DCP1B: variants seen among roughly 807,000 people sequenced by gnomAD.
DCP1B encodes mRNA-decapping enzyme 1B.
DCP1B carries 47 observed loss-of-function variants against 60.5 expected under a neutral mutation model. The ratio of observed to expected loss-of-function variants is 0.78; its 90% CI spans 0.61 to 0.99. The LOEUF is 0.99. Among genes scored for constraint, DCP1B ranks in the 50% least tolerant of loss-of-function variants. The pLI, the probability that DCP1B is intolerant of heterozygous loss-of-function variation, is 0.00. For synonymous variants in DCP1B, 267 were observed against 280.3 expected (o/e 0.95, Z 0.47); for missense variants, 725 against 756.8 (o/e 0.96, Z 0.49).
intron 3 of DCP1B, chr12:1,991,336 CATAAA>C (rs1217649021): frequency 7.8e-5 from 33 of 424,450 alleles, no homozygotes; most frequent in African/African-American, 4.5e-4. Context: ...AATACGGAAA[CATAAA>C]ATAAAATATG....
intron 1 of DCP1B, among the ~76,000 whole-genome samples, chr12:2,001,766 T>C (rs1372849001): frequency 1.3e-5 from 2 of 152,220 alleles, no homozygotes; most frequent in Admixed American, 1.3e-4. Flanking sequence ...AACCACTAGC[T>C]AGGAACACAA....
chr12:1,953,025 G>A lies in DCP1B; in HGVS notation c.915C>T (p.His305=), dbSNP rs764193647. Residue 305 remains histidine (H), a synonymous_variant, in exon 7 of 9, where the codon CAC becomes CAT. Coordinates refer to ENST00000280665, the MANE Select transcript of DCP1B (RefSeq NM_152640.5). The stretch of plus-strand genomic sequence containing the variant: ...GGTTTTCAGGCAGCTCTGACAATGG[G>A]TGGAGGTCTGCGCTCCTGACCATGA... ...QKLMVRSADL[H]PLSELPENRP... is the part of the protein sequence containing the mutation. 3.7e-6 allele frequency: 6 copies of A among 1,614,194 alleles called. No individual in the cohort carries two copies. Among genetic ancestry groups the A allele is most frequent in the Non-Finnish European group, 5.1e-6 (6 of 1,180,010 alleles).
chr12:1,991,982 C>T (rs2039536365), intron 3 of DCP1B: 2 of 220,288 alleles, frequency 9.1e-6, no homozygotes, highest in Non-Finnish European at 2.0e-5. Flanking sequence ...CTAATAATCT[C>T]AAAAAAAACC....
In DCP1B at chr12:1,962,630, C is replaced by A. The variant is rs1294785157; in HGVS notation, c.522+2928G>T. 2.0e-5 allele frequency among the ~76,000 whole-genome samples: 3 copies of A among 151,462 alleles called. No homozygotes were observed. Among genetic ancestry groups the A allele is most frequent in the African/African-American group, 7.3e-5 (3 of 41,250 alleles). On this transcript the variant is annotated intron_variant, in intron 5 of 8. Coordinates refer to ENST00000280665, the MANE Select transcript of DCP1B (RefSeq NM_152640.5). This position sits in a 1 kb window ranked among gnomAD's most constrained non-coding sequence, Gnocchi z 4.4. ...CTAATTATTCAACTAGTTGCCAAGT[C>A]ATCATAATTTTTTTTAATGACTTTT... is the stretch of plus-strand genomic sequence containing the variant.
rs77058648 is a variant in DCP1B, at chr12:1,988,711, C to T, written c.319+4553G>A. Among the ~76,000 whole-genome samples the T allele has an allele frequency of 3.0e-3, 461 of 152,272 alleles. 2 individuals are homozygous for T. Among genetic ancestry groups the T allele is most frequent in the African/African-American group, 0.01 (430 of 41,540 alleles). On this transcript the variant is annotated intron_variant, in intron 3 of 8. Coordinates refer to ENST00000280665, the MANE Select transcript of DCP1B (RefSeq NM_152640.5). ...TGCCATCGTTTACCCAAAAGTCTAC[C>T]AACCACTCACTTTAGAAGGCAACTT...
At chr12:1,963,640 G>C (rs901220366) in intron 5 of DCP1B, among the ~76,000 whole-genome samples, 1 of 152,106 alleles carries the variant, frequency 6.6e-6, no homozygotes, top group African/African-American at 2.4e-5. Context: ...GTGGTGCTCT[G>C]GTCAGTGTCC....
rs368186522 is a variant in DCP1B at position 1,968,716 on chromosome 12, G to A, written c.320-806C>T. On this transcript the variant is annotated intron_variant, in intron 3 of 8. Transcript: ENST00000280665. ...GTTAACTGAGAAAGTGGCTTTGTAA[G>A]CTGTAAGTTAGGGAGAGGCCACTGG... Among the ~76,000 whole-genome samples the A allele has an allele frequency of 7.7e-4, 118 of 152,294 alleles. 1 individual carries two copies. Among genetic ancestry groups the A allele is most frequent in the African/African-American group, 2.7e-3 (112 of 41,554 alleles).
chr12:1,992,115 TA>T (rs200854170), intron 3 of DCP1B: 9,518 of 302,622 alleles, frequency 0.031, 222 homozygotes, highest in Middle Eastern at 0.058. Flanking sequence ...CTACAATTGA[TA>T]AAGTGTACCT....
chr12:1,988,946 C>T (rs1489432991), intron 3 of DCP1B, among the ~76,000 whole-genome samples: 1 of 152,164 alleles, frequency 6.6e-6, no homozygotes, highest in Non-Finnish European at 1.5e-5. Flanking sequence ...AGTTTTGGTC[C>T]TAAATATCTT....
chr12:1,965,742 A>G, intron 4 of DCP1B, 49 bp from the exon 5 acceptor site: 1 of 1,575,232 alleles, frequency 6.3e-7, no homozygotes, highest in Non-Finnish European at 8.6e-7. Context: ...AATTCAACAC[A>G]AACAATGTTT....
downstream of DCP1B, among the ~76,000 whole-genome samples, chr12:1,945,047 T>C (rs2030375016): frequency 6.6e-6 from 1 of 152,168 alleles, no homozygotes; most frequent in African/African-American, 2.4e-5. Flanking sequence ...GACAAAGGGC[T>C]AATATCCAGA....
Position 1,953,040 on chromosome 12 carries a change from C to T in DCP1B, c.900G>A (p.Arg300=), listed in dbSNP as rs1470327997. 6.2e-7 allele frequency: 1 copy of T among 1,614,142 alleles called. No homozygotes were observed. The highest frequency in any genetic ancestry group is 1.7e-5 in the Admixed American group (1 of 60,018). ...LCPAIQKLMV[R]SADLHPLSEL... is the part of the protein sequence containing the mutation. ...CTGACAATGGGTGGAGGTCTGCGCT[C>T]CTGACCATGAGTTTCTGAATGGCTG... Residue 300 remains arginine, a synonymous_variant, in exon 7 of 9, where the codon AGG becomes AGA. Coordinates refer to ENST00000280665, the MANE Select transcript of DCP1B (RefSeq NM_152640.5).
chr12:1,995,706 T>A (rs1310750015), intron 2 of DCP1B, among the ~76,000 whole-genome samples: 1 of 152,260 alleles, frequency 6.6e-6, no homozygotes, highest in African/African-American at 2.4e-5. Context: ...CTCTGTGCTG[T>A]TCTAGTCCTG....
intron 3 of DCP1B, among the ~76,000 whole-genome samples, chr12:1,990,898 G>C (rs2039206702): frequency 6.6e-6 from 1 of 151,030 alleles, no homozygotes; most frequent in Admixed American, 6.6e-5. Context: ...GTGTACCTTT[G>C]ATGCCCGGGA....
chr12:1,996,099 T>C lies in DCP1B; in HGVS notation c.191+1836A>G, dbSNP rs2040726942. 2.6e-5 allele frequency among the ~76,000 whole-genome samples: 4 copies of C among 152,318 alleles called. No homozygotes were observed. The South Asian group carries it at 8.3e-4, about 32-fold the overall frequency. On this transcript the variant is annotated intron_variant, in intron 2 of 8. Transcript: ENST00000280665. The stretch of plus-strand genomic sequence containing the variant: ...ATACCCTTTCCATTTCAATTTCTAT[T>C]ATTCTAATCCCAACTCTCATCATTT...
chr12:2,003,966 C>A (rs1037367126), intron 1 of DCP1B, among the ~76,000 whole-genome samples: 1 of 152,196 alleles, frequency 6.6e-6, no homozygotes, highest in African/African-American at 2.4e-5. Context: ...GCACATCGGT[C>A]TTCCGGCCAT....
intron 6 of DCP1B, among the ~76,000 whole-genome samples, chr12:1,955,013 G>A (rs766695432): frequency 3.3e-5 from 5 of 152,096 alleles, no homozygotes; most frequent in African/African-American, 1.2e-4. Context: ...ACAGGTGCAC[G>A]CCATCATGCC....
At chr12:1,994,103 C>T (rs2040211783) in intron 2 of DCP1B, among the ~76,000 whole-genome samples, 1 of 152,164 alleles carries the variant, frequency 6.6e-6, no homozygotes, top group South Asian at 2.1e-4. Context: ...CCTGCTCTGC[C>T]AGGCAGAAAG....
rs1463433213 is a variant in DCP1B, at chr12:1,948,258, C to T, written c.1773+828G>A. Among the ~76,000 whole-genome samples, 2 of 152,220 alleles carry T rather than the reference C, an allele frequency of 1.3e-5. No homozygotes were observed. Among genetic ancestry groups the T allele is most frequent in the Non-Finnish European group, 2.9e-5 (2 of 68,036 alleles). On this transcript the variant is annotated intron_variant, in intron 8 of 8. Transcript: ENST00000280665. This position sits in a 1 kb window ranked among gnomAD's most constrained non-coding sequence, Gnocchi z 4.8. ...AATGTTCTCCCGAGGCTGGTCCCTGCCAACATTCATGTGGTGAACGTGGCC... is the reference window on the plus strand; with the variant it reads ...AATGTTCTCCCGAGGCTGGTCCCTGTCAACATTCATGTGGTGAACGTGGCC...
Sources: allele counts gnomAD v4.1 joint callset (sites outside exome capture counted in the v4.1 genomes callset), GRCh38; gene constraint gnomAD v4.1.1; non-coding constraint Gnocchi (gnomAD v3.1); transcripts MANE v1.5; gene names NCBI Gene and HGNC (gene_info 2026-07-23, HGNC 2026-07-21).